Variants in MYO16 observed in about 807,000 individuals in gnomAD.
MYO16 encodes the protein myosin XVI.
MYO16 carries 94 observed loss-of-function variants against 205.3 expected under a neutral mutation model. The observed-to-expected ratio is 0.46, with a 90% CI of 0.39 to 0.54. The LOEUF is 0.54. Ranked by LOEUF, MYO16 falls within the 20% of genes least tolerant of loss-of-function variation. MYO16 has a pLI of 0.00. For missense variants in MYO16, 2,315 were observed against 2,387.5 expected, an observed-to-expected ratio of 0.97 and a Z score of 0.63; for synonymous variants, 988 against 954.0, an observed-to-expected ratio of 1.04 and a Z score of -0.66.
Position 108,945,510 on chromosome 13 carries a change from A to G in MYO16, c.1926-12178A>G, listed in dbSNP as rs1392803559. Among the ~76,000 whole-genome samples the G allele has an allele frequency of 2.6e-5, 4 of 152,348 alleles. No homozygotes were observed. In the South Asian group the frequency reaches 8.3e-4, roughly 32 times the overall value. On this transcript the variant is annotated intron_variant, in intron 16 of 34. Transcript: ENST00000457511. ...ATTTTTAAAATAGGAGCCAAATCCT[A>G]TGCAATAGAACATTAGGTGTCAAAA...
intron 4 of MYO16, among the ~76,000 whole-genome samples, chr13:108,770,435 T>C (rs990278500): frequency 1.3e-5 from 2 of 152,184 alleles, no homozygotes; most frequent in Non-Finnish European, 1.5e-5. Flanking sequence ...GTAAAATATA[T>C]ATTAAATACA....
intron 32 of MYO16, among the ~76,000 whole-genome samples, chr13:109,148,290 C>A (rs1199471291): frequency 6.6e-6 from 1 of 152,164 alleles, no homozygotes; most frequent in Non-Finnish European, 1.5e-5. Flanking sequence ...ATGTTTGTGA[C>A]ATTTTTCTCA....
At chr13:108,520,556 G>T in the MYO16 span, among the ~76,000 whole-genome samples, 1 of 151,994 alleles carries the variant, frequency 6.6e-6, no homozygotes, top group Non-Finnish European at 1.5e-5. Context: ...ATAAAATATG[G>T]CACATTAAAC....
At chr13:108,995,371 T>C (rs1324688830) in intron 21 of MYO16, among the ~76,000 whole-genome samples, 1 of 152,214 alleles carries the variant, frequency 6.6e-6, no homozygotes, top group African/African-American at 2.4e-5. Flanking sequence ...CCCATCACTT[T>C]GGCAAATTGT....
At chr13:109,188,287 A>C (rs879929857) in intron 34 of MYO16, among the ~76,000 whole-genome samples, 21 of 152,150 alleles carry the variant, frequency 1.4e-4, no homozygotes, top group Non-Finnish European at 2.4e-4. Flanking sequence ...GTTTCTTCGT[A>C]ACTTCTTAAT....
rs117975022 is a variant in MYO16 at position 108,617,454 on chromosome 13, G to A, written c.-39+21215G>A. 7.6e-3 allele frequency among the ~76,000 whole-genome samples: 1,151 copies of A among 152,240 alleles called. 5 individuals are homozygous for A. The highest frequency in any genetic ancestry group is 0.011 in the Non-Finnish European group (743 of 68,010). ...ATTTGATCCCTAGCAGTTGGGCAGA[G>A]GCTTTTCTGTGTATACCTGAGTAGT... On this transcript the variant is annotated intron_variant, in intron 1 of 24. Coordinates refer to the MYO16 transcript ENST00000251041.
At chr13:108,907,452 T>G (rs533128287) in intron 15 of MYO16, among the ~76,000 whole-genome samples, 1 of 152,322 alleles carries the variant, frequency 6.6e-6, no homozygotes, top group Non-Finnish European at 1.5e-5. Flanking sequence ...TTTTTATGTA[T>G]GAACACTTAC....
chr13:108,844,389 A>G lies in MYO16; in HGVS notation c.1144A>G (p.Lys382Glu), dbSNP rs769669586. 1.9e-6 allele frequency: 3 copies of G among 1,613,552 alleles called. No homozygotes were observed. In the South Asian group the frequency reaches 3.3e-5, roughly 18 times the overall value. The stretch of plus-strand genomic sequence containing the variant: ...TGCCAAGCAAGACAGTTTGTTGGAA[A>G]AAGACATTATGTTCAAAGATGCAAC... The part of the protein sequence containing the change: ...PIAKQDSLLE[K>E]DIMFKDATKG... The change falls in exon 10 of 35, where the codon AAA becomes GAA. Residue 382 changes from lysine to glutamate, a missense_variant. This residue lies in a region of MYO16 where 1,213 missense variants were observed against 1,274.4 expected (regional missense o/e 0.95). Coordinates refer to ENST00000457511, the MANE Select transcript of MYO16 (RefSeq NM_001198950.3).
chr13:109,100,321 A>G (rs1381188261), intron 27 of MYO16, among the ~76,000 whole-genome samples: 1 of 152,190 alleles, frequency 6.6e-6, no homozygotes, highest in African/African-American at 2.4e-5. Flanking sequence ...AAGCGATTCT[A>G]CCTCTCAAAT....
chr13:108,630,645 A>G (rs767586043), intron 1 of MYO16, among the ~76,000 whole-genome samples: 12 of 152,222 alleles, frequency 7.9e-5, no homozygotes, highest in Non-Finnish European at 1.8e-4. Flanking sequence ...ACTTCTGTAC[A>G]TATATATCAT....
Position 109,054,985 on chromosome 13 carries a change from CTTCCTTTCCT to C in MYO16, c.3049-47_3049-38del, listed in dbSNP as rs369913740. 3.6e-6 allele frequency: 4 copies of C among 1,105,412 alleles called. No homozygotes were observed. In the Admixed American group the frequency reaches 7.5e-5, roughly 21 times the overall value. The allele number at this position is 1,105,412 out of a possible 1,614,324, so 68.5% of individuals were successfully genotyped here. ...CCCTTCCTCCCTCCTTTTCCTCCTT[CTTCCTTTCCT>C]TTCCTTTCCTTTCTTTTCTCCTGTC... On this transcript the variant is annotated intron_variant, in intron 25 of 34. Coordinates refer to ENST00000457511, the MANE Select transcript of MYO16 (RefSeq NM_001198950.3).
At chr13:108,757,416 T>G (rs2139649183) in intron 4 of MYO16, among the ~76,000 whole-genome samples, 1 of 152,314 alleles carries the variant, frequency 6.6e-6, no homozygotes, top group South Asian at 2.1e-4. Flanking sequence ...AGGTCAGAAA[T>G]ACCTTTCATC....
chr13:108,668,336 A>G (rs1594192695), intron 2 of MYO16, among the ~76,000 whole-genome samples: 1 of 152,178 alleles, frequency 6.6e-6, no homozygotes, highest in East Asian at 1.9e-4. Flanking sequence ...GGGTGTGGTG[A>G]GAAATAGTCA....
chr13:108,592,438 T>TG, upstream of MYO16, among the ~76,000 whole-genome samples: 1 of 70,358 alleles, frequency 1.4e-5, no homozygotes, highest in Admixed American at 1.7e-4. Context: ...GGGGGGTATG[T>TG]TGGGGGTATG....
intron 4 of MYO16, among the ~76,000 whole-genome samples, chr13:108,761,448 G>T (rs1885605929): frequency 7.2e-6 from 1 of 139,746 alleles, no homozygotes; most frequent in Non-Finnish European, 1.6e-5. Context: ...GTGAAGCCGA[G>T]GGGGGAGAAG....
At chr13:108,795,218 A>C (rs1357975980) in intron 6 of MYO16, among the ~76,000 whole-genome samples, 1 of 150,744 alleles carries the variant, frequency 6.6e-6, no homozygotes, top group African/African-American at 2.4e-5. Flanking sequence ...TTTAAATGGA[A>C]TCTTTCCCTG....
intron 6 of MYO16, among the ~76,000 whole-genome samples, chr13:108,798,816 C>T (rs1389736898): frequency 6.9e-6 from 1 of 145,374 alleles, no homozygotes; most frequent in African/African-American, 2.6e-5. Flanking sequence ...CGCCATTCTC[C>T]TGCCTCAGCC....
At chr13:108,914,805 G>T (rs2139245647) in intron 16 of MYO16, among the ~76,000 whole-genome samples, 1 of 152,170 alleles carries the variant, frequency 6.6e-6, no homozygotes, top group Middle Eastern at 3.4e-3. Flanking sequence ...ACCCCATCTG[G>T]CTGATTTTTG....
At chr13:109,091,067 C>T (rs1888606021) in intron 27 of MYO16, among the ~76,000 whole-genome samples, 1 of 152,154 alleles carries the variant, frequency 6.6e-6, no homozygotes, top group African/African-American at 2.4e-5. Context: ...ATCACCCTTC[C>T]GCACCTGCTT....
Sources: allele counts gnomAD v4.1 joint callset (sites outside exome capture counted in the v4.1 genomes callset), GRCh38; gene constraint gnomAD v4.1.1; regional missense constraint gnomAD v4.1.1; transcripts MANE v1.5; gene names NCBI Gene and HGNC (gene_info 2026-07-23, HGNC 2026-07-21).